NRG3: variants seen among roughly 807,000 people sequenced by gnomAD.
NRG3 encodes neuregulin 3.
Under a neutral mutation model 66.9 loss-of-function variants are expected in NRG3, and 31 were observed. The ratio of observed to expected loss-of-function variants is 0.46; its 90% CI spans 0.35 to 0.63. NRG3 has a LOEUF of 0.63. Among genes scored for constraint, NRG3 ranks in the 20% least tolerant of loss-of-function variants. The pLI is 0.00. For synonymous variants in NRG3, 393 were observed against 359.4 expected (o/e 1.09, Z -1.06); for missense variants, 910 against 878.9 (o/e 1.04, Z -0.45).
intron 2 of NRG3, among the ~76,000 whole-genome samples, chr10:82,402,868 G>T (rs1335045562): frequency 6.6e-6 from 1 of 152,112 alleles, no homozygotes; most frequent in Non-Finnish European, 1.5e-5. Flanking sequence ...TTTTCTGTGA[G>T]ATCCTCTTTC....
chr10:82,603,343 G>T (rs1013072644), intron 2 of NRG3, among the ~76,000 whole-genome samples: 1 of 152,092 alleles, frequency 6.6e-6, no homozygotes, highest in Non-Finnish European at 1.5e-5. Context: ...AAACCATATT[G>T]TATCATGAGT....
chr10:82,227,926 TA>T (rs992865068), intron 1 of NRG3, among the ~76,000 whole-genome samples: 2 of 152,150 alleles, frequency 1.3e-5, no homozygotes, highest in African/African-American at 4.8e-5. Flanking sequence ...CCACTTAATT[TA>T]AGTTTCCTCA....
rs1194921495 is a variant in NRG3 at position 82,476,188 on chromosome 10, C to A, written c.953+117320C>A. On this transcript the variant is annotated intron_variant, in intron 2 of 8. Coordinates refer to ENST00000372141, the MANE Select transcript of NRG3 (RefSeq NM_001010848.4). ...AATATGAAAAACAAAGCAAAACAGA[C>A]AAAACAACAAAACAAAAAACAAGTT... Among the ~76,000 whole-genome samples the A allele has an allele frequency of 3.3e-5, 5 of 152,046 alleles. No individual in the cohort carries two copies. In the East Asian group the frequency reaches 7.7e-4, roughly 23 times the overall value.
At chr10:82,098,348 G>A (rs2066507158) in intron 1 of NRG3, among the ~76,000 whole-genome samples, 1 of 150,892 alleles carries the variant, frequency 6.6e-6, no homozygotes, top group Admixed American at 6.6e-5. Flanking sequence ...ATATATAGAT[G>A]ACATCTATAT....
chr10:82,591,901 A>G (rs928245536), intron 2 of NRG3, among the ~76,000 whole-genome samples: 1 of 152,196 alleles, frequency 6.6e-6, no homozygotes, highest in Non-Finnish European at 1.5e-5. Context: ...AAAAATTGTC[A>G]CAAAACAATG....
chr10:82,355,237 G>T (rs2135552412), intron 1 of NRG3, among the ~76,000 whole-genome samples: 1 of 152,260 alleles, frequency 6.6e-6, no homozygotes, highest in Non-Finnish European at 1.5e-5. Context: ...TTTGGCATTA[G>T]ATCTTATCCA....
intron 1 of NRG3, among the ~76,000 whole-genome samples, chr10:81,950,135 T>C (rs1200951815): frequency 1.3e-5 from 2 of 152,188 alleles, no homozygotes; most frequent in African/African-American, 4.8e-5. Context: ...CTATTCCAAA[T>C]GTTCTCATCT....
chr10:82,672,886 A>C (rs2134052530), intron 2 of NRG3, among the ~76,000 whole-genome samples: 1 of 152,266 alleles, frequency 6.6e-6, no homozygotes, highest in East Asian at 1.9e-4. Flanking sequence ...AGCAGCTGGG[A>C]TTACAGGCAT....
chr10:82,877,000 G>A (rs1428561776), intron 4 of NRG3, among the ~76,000 whole-genome samples: 1 of 149,416 alleles, frequency 6.7e-6, no homozygotes, highest in African/African-American at 2.5e-5. Context: ...TCCAGCCTGG[G>A]CAACAAAAGT....
chr10:82,863,023 C>T (rs551617037), intron 3 of NRG3, among the ~76,000 whole-genome samples: 1 of 152,084 alleles, frequency 6.6e-6, no homozygotes, highest in African/African-American at 2.4e-5. Context: ...CCCTTACCCC[C>T]CAACAGGCCC....
intron 4 of NRG3, among the ~76,000 whole-genome samples, chr10:82,873,185 C>T (rs146376168): frequency 2.6e-3 from 402 of 152,014 alleles, no homozygotes; most frequent in African/African-American, 8.8e-3. Context: ...ATCTGCAATA[C>T]GGTGTCAGTT....
At chr10:82,950,526 G>A (rs1031017432) in intron 4 of NRG3, among the ~76,000 whole-genome samples, 6 of 152,228 alleles carry the variant, frequency 3.9e-5, no homozygotes, top group African/African-American at 1.4e-4. Flanking sequence ...GCTGCCCACA[G>A]TAGAGGTATG....
intron 4 of NRG3, among the ~76,000 whole-genome samples, chr10:82,910,110 A>G (rs1347893762): frequency 3.3e-5 from 5 of 152,250 alleles, no homozygotes; most frequent in African/African-American, 1.2e-4. Context: ...ACCAATTACA[A>G]TGAGCTGAAA....
In NRG3 at chr10:82,579,036, A is replaced by G. The variant is rs149092970; in HGVS notation, c.954-159541A>G. Among the ~76,000 whole-genome samples, 160 of 151,972 alleles carry G rather than the reference A, an allele frequency of 1.1e-3. 2 individuals are homozygous for G. Among genetic ancestry groups the G allele is most frequent in the African/African-American group, 3.7e-3 (153 of 41,534 alleles). On this transcript the variant is annotated intron_variant, in intron 2 of 8. Coordinates refer to ENST00000372141, the MANE Select transcript of NRG3 (RefSeq NM_001010848.4). Reference sequence around the variant, plus strand: ...TGAGATTTGCAATGCTTATTTCTCAATCTGCAGCTTTACTTTGATTGTAAC... The same window carrying G: ...TGAGATTTGCAATGCTTATTTCTCAGTCTGCAGCTTTACTTTGATTGTAAC...
At chr10:82,810,774 T>C (rs2061460648) in intron 3 of NRG3, among the ~76,000 whole-genome samples, 2 of 145,364 alleles carry the variant, frequency 1.4e-5, no homozygotes, top group African/African-American at 5.1e-5. Flanking sequence ...GCGACTGCAA[T>C]AGTCCAAGCC....
At chr10:82,245,416 G>A (rs754944894) in intron 1 of NRG3, among the ~76,000 whole-genome samples, 2 of 152,144 alleles carry the variant, frequency 1.3e-5, no homozygotes, top group Non-Finnish European at 2.9e-5. Flanking sequence ...ATTCCTAACA[G>A]GCCAAAGACC....
intron 1 of NRG3, among the ~76,000 whole-genome samples, chr10:82,201,294 A>C (rs1436934917): frequency 6.6e-6 from 1 of 151,832 alleles, no homozygotes; most frequent in Non-Finnish European, 1.5e-5. Context: ...GGCCAGAGGG[A>C]AGGAGTTTCA....
At chr10:82,012,919 C>G (rs1038095474) in intron 1 of NRG3, among the ~76,000 whole-genome samples, 3 of 152,180 alleles carry the variant, frequency 2.0e-5, no homozygotes, top group African/African-American at 7.2e-5. Context: ...AAGTTTTAAA[C>G]CTTCCCACAT....
chr10:82,682,033 C>T (rs2054141401), intron 2 of NRG3, among the ~76,000 whole-genome samples: 1 of 152,176 alleles, frequency 6.6e-6, no homozygotes, highest in South Asian at 2.1e-4. Context: ...GTTTTAAAGG[C>T]ACTGATAGCT....
Sources: allele counts gnomAD v4.1 joint callset (sites outside exome capture counted in the v4.1 genomes callset), GRCh38; gene constraint gnomAD v4.1.1; transcripts MANE v1.5; gene names NCBI Gene and HGNC (gene_info 2026-07-23, HGNC 2026-07-21).